JUP: variants seen among roughly 807,000 people sequenced by gnomAD.
JUP encodes the protein junction plakoglobin.
Under a neutral mutation model 71.1 loss-of-function variants are expected in JUP, and 28 were observed. The observed-to-expected ratio is 0.39, with a 90% confidence interval of 0.29 to 0.54. JUP has a LOEUF of 0.54. JUP is among the 20% of genes least tolerant of loss of function. JUP has a pLI of 0.62. For synonymous variants in JUP, 401 were observed against 438.9 expected, an observed-to-expected ratio of 0.91 and a Z score of 1.08; for missense variants, 869 against 1,030.1, an observed-to-expected ratio of 0.84 and a Z score of 2.14.
chr17:41,761,148 CAAG>C (rs531565745), intron 8 of JUP, among the ~76,000 whole-genome samples: 54 of 152,322 alleles, frequency 3.5e-4, no homozygotes, highest in East Asian at 2.5e-3. Context: ...CAGGTAGCCT[CAAG>C]AAGAAGACCC....
intron 7 of JUP, 147 bp downstream of exon 7, chr17:41,764,566 G>A (rs1474398683): frequency 1.7e-6 from 1 of 605,808 alleles, no homozygotes; most frequent in Non-Finnish European, 2.9e-6. Flanking sequence ...AAGAGATGAG[G>A]GTTTTCAAGG....
chr17:41,777,074 G>A (rs1318831396), intron 1 of JUP, among the ~76,000 whole-genome samples: 2 of 152,206 alleles, frequency 1.3e-5, no homozygotes, highest in Non-Finnish European at 2.9e-5. Flanking sequence ...CGGGCAAGGT[G>A]GATGGCAGTC....
intron 7 of JUP, among the ~76,000 whole-genome samples, chr17:41,764,427 C>T (rs915618673): frequency 2.1e-5 from 3 of 144,776 alleles, no homozygotes; most frequent in East Asian, 4.3e-4. Flanking sequence ...CCCAACTACT[C>T]GGGAGGCTGA....
chr17:41,784,111 T>C (rs1182670490), intron 1 of JUP, among the ~76,000 whole-genome samples: 1 of 152,060 alleles, frequency 6.6e-6, no homozygotes, highest in African/African-American at 2.4e-5. Context: ...TGCCCCACTG[T>C]CCCATCTCTC....
intron 1 of JUP, among the ~76,000 whole-genome samples, chr17:41,784,721 G>A (rs1376511672): frequency 6.6e-6 from 1 of 152,082 alleles, no homozygotes; most frequent in African/African-American, 2.4e-5. Context: ...TAAAGGGGCT[G>A]AGTCTGGGCC....
rs78437817 is a variant in JUP at position 41,763,114 on chromosome 17, C to T, written c.1366G>A (p.Val456Ile). 463 of 1,614,196 alleles carry T rather than the reference C, an allele frequency of 2.9e-4. No individual in the cohort carries two copies. The highest frequency in any genetic ancestry group is 4.9e-4 in the Middle Eastern group (3 of 6,062). The change falls in exon 8 of 14, where the codon GTC becomes ATC. Residue 456 changes from valine to isoleucine, a missense_variant. Physicochemically the swap from Val to Ile is conservative, Grantham distance 29. Transcript: ENST00000393931. ...GDKDDITEPA[V>I]CALRHLTSRH... The stretch of plus-strand genomic sequence containing the variant: ...CTAGTGAGGTGGCGCAGAGCGCAGA[C>T]GGCAGGCTCCGTGATGTCGTCCTTG...
At chr17:41,764,667 T>C in intron 7 of JUP, 46 bp downstream of exon 7, 1 of 1,497,794 alleles carries the variant, frequency 6.7e-7, no homozygotes, top group Non-Finnish European at 9.3e-7. Flanking sequence ...GGAGGCTGGA[T>C]GGGGCAGCTG....
Position 41,757,477 on chromosome 17 carries a change from T to G in JUP, c.1984A>C (p.Lys662Gln), listed in dbSNP as rs1555598659. 3.1e-6 allele frequency: 5 copies of G among 1,614,154 alleles called. No homozygotes were observed. The highest frequency in any genetic ancestry group is 4.2e-6 in the Non-Finnish European group (5 of 1,180,028). ...ISEDKNPDYR[K>Q]RVSVELTNSL... Reference sequence around the variant, plus strand: ...TTGGTGAGCTCCACGGACACGCGCTTCCGGTAGTCTGGGTTCTTGTCCTCG... The same window carrying G: ...TTGGTGAGCTCCACGGACACGCGCTGCCGGTAGTCTGGGTTCTTGTCCTCG... The change falls in exon 12 of 14, where the codon AAG becomes CAG. Residue 662 changes from lysine (K) to glutamine (Q), a missense_variant. Physicochemically the swap from Lys to Gln is moderately conservative, Grantham distance 53 (BLOSUM62 1). Transcript: ENST00000393931.
chr17:41,778,296 G>A (rs1389238322), intron 1 of JUP, among the ~76,000 whole-genome samples: 2 of 152,220 alleles, frequency 1.3e-5, no homozygotes, highest in African/African-American at 4.8e-5. Flanking sequence ...AGGGTGCAGT[G>A]GCTCACCCCT....
Position 41,769,608 on chromosome 17 carries a change from A to G in JUP, c.278T>C (p.Val93Ala), listed in dbSNP as rs1916292032. The G allele has an allele frequency of 1.1e-5, 17 of 1,605,568 alleles. No individual in the cohort carries two copies. The highest frequency in any genetic ancestry group is 1.4e-5 in the Non-Finnish European group (17 of 1,176,946). The change falls in exon 3 of 14, where the codon GTG (valine) becomes GCG (alanine). Residue 93 changes from valine to alanine, a missense_variant. Val to Ala is a moderately conservative substitution (Grantham distance 64). Transcript: ENST00000393931. ...CAGAAGCGAGCTGTCCTCGCCTGAC[A>G]CACCAGGGCACATGGCCTCCCGCAC... ...KRVREAMCPG[V>A]SGEDSSLLLA...
At chr17:41,782,120 C>T (rs1322167331) in intron 1 of JUP, among the ~76,000 whole-genome samples, 11 of 152,166 alleles carry the variant, frequency 7.2e-5, no homozygotes, top group Non-Finnish European at 7.3e-5. Context: ...ACCCATTTCC[C>T]AGACCCCAAA....
chr17:41,769,708 A>G, intron 2 of JUP, 31 bp from the exon 3 acceptor site: 1 of 1,601,092 alleles, frequency 6.2e-7, no homozygotes, highest in Non-Finnish European at 8.5e-7. Flanking sequence ...GACTGAGTGC[A>G]GGCAGTGGGC....
At position 41,771,639 on chromosome 17, in the gene JUP, G is replaced by T; in HGVS notation, c.208+8C>A. On this transcript the variant is annotated splice_region_variant and intron_variant, in intron 2 of 13. Coordinates refer to ENST00000393931, the MANE Select transcript of JUP (RefSeq NM_002230.4). ...CTGCCCCATGCAATAGTCCCCAGGGGTCCTGACCTTGGCTGGGGGGCACCC... is the reference window on the plus strand; with the variant it reads ...CTGCCCCATGCAATAGTCCCCAGGGTTCCTGACCTTGGCTGGGGGGCACCC... 1 of 1,612,218 alleles carries T rather than the reference G, an allele frequency of 6.2e-7. No homozygotes were observed. The highest frequency in any genetic ancestry group is 1.1e-5 in the South Asian group (1 of 91,020).
At chr17:41,783,650 G>A (rs1348236827) in intron 1 of JUP, among the ~76,000 whole-genome samples, 1 of 151,842 alleles carries the variant, frequency 6.6e-6, no homozygotes, top group Non-Finnish European at 1.5e-5. Context: ...GCCAGGTGAG[G>A]TGGCTCACGC....
intron 1 of JUP, chr17:41,785,893 T>TCCATCC (rs1283139815): frequency 2.0e-5 from 3 of 150,036 alleles, no homozygotes; most frequent in Non-Finnish European, 4.4e-5. Context: ...CCCCAGTCAC[T>TCCATCC]CCATCCCACC....
rs397517300 is a variant in JUP, at chr17:41,769,535, G to C, written c.351C>G (p.Ala117=). The change falls in exon 3 of 14, where the codon GCC becomes GCG. Residue 117 remains alanine (A), a synonymous_variant. Transcript: ENST00000393931. ...EGQATNLQRL[A]EPSQLLKSAI... is the part of the protein sequence containing the mutation. ...CCGACTTGAGCAGCTGGGACGGCTC[G>C]GCCAGTCGCTGCAGGTTGGTGGCCT... The C allele has an allele frequency of 6.2e-7, 1 of 1,610,314 alleles. No individual in the cohort carries two copies. The highest frequency in any genetic ancestry group is 8.5e-7 in the Non-Finnish European group (1 of 1,178,950).
rs727504940 is a variant in JUP, at chr17:41,756,168, C to G, written c.2086+7G>C. ...CCAGGGTCCTGAAGAGCCCGGCACA[C>G]ACTTACCATCTCCATAGGGCTCATT... On this transcript the variant is annotated splice_region_variant and intron_variant, in intron 13 of 13. Transcript: ENST00000393931. The G allele has an allele frequency of 8.7e-6, 14 of 1,613,484 alleles. No individual in the cohort carries two copies. The highest frequency in any genetic ancestry group is 3.3e-5 in the Admixed American group (2 of 59,952).
intron 8 of JUP, among the ~76,000 whole-genome samples, chr17:41,762,164 A>AGT (rs1914954351): frequency 1.2e-4 from 9 of 78,064 alleles, no homozygotes; most frequent in African/African-American, 4.6e-4. Flanking sequence ...AGAGAGAGAG[A>AGT]GAGAGAGAGA....
chr17:41,760,401 G>T (rs1459849875), intron 8 of JUP, among the ~76,000 whole-genome samples: 2 of 149,780 alleles, frequency 1.3e-5, no homozygotes, highest in Middle Eastern at 3.3e-3. Flanking sequence ...GACCACAGGC[G>T]CCCGCCACCA....
Sources: gnomAD v4.1 joint callset for allele counts (sites outside exome capture counted in the v4.1 genomes callset) on GRCh38, gnomAD v4.1.1 for gene constraint, MANE v1.5 for transcripts, NCBI Gene and HGNC (gene_info 2026-07-23, HGNC 2026-07-21) for gene names.